The following RP9 variants were observed in gnomAD, a reference collection of about 807,000 sequenced individuals.
RP9 encodes RP9 pre-mRNA splicing factor.
In RP9, 23 loss-of-function variants were observed where a neutral mutation model predicts 32.6. The observed-to-expected ratio is 0.71, with a 90% CI of 0.51 to 1.00. The LOEUF (loss-of-function observed/expected upper bound fraction) is 1.00. Ranked by LOEUF, RP9 falls within the 50% of genes least tolerant of loss-of-function variation. The pLI, the probability that RP9 is intolerant of heterozygous loss-of-function variation, is 0.00. For missense variants in RP9, 245 were observed against 285.3 expected, an observed-to-expected ratio of 0.86 and a Z score of 1.02; for synonymous variants, 94 against 103.6, an observed-to-expected ratio of 0.91 and a Z score of 0.56.
intron 2 of RP9, among the ~76,000 whole-genome samples, chr7:33,099,658 GAA>G (rs1213327612): frequency 1.4e-4 from 21 of 151,968 alleles, no homozygotes; most frequent in African/African-American, 4.6e-4. Context: ...TGTTCTTAGA[GAA>G]AAGTTACTGG....
Position 33,109,400 on chromosome 7 carries a change from AC to A in RP9, c.-29del, listed in dbSNP as rs1165632004. 7 of 1,127,804 alleles carry A rather than the reference AC, an allele frequency of 6.2e-6. No homozygotes were observed. Among genetic ancestry groups the A allele is most frequent in the East Asian group, 5.7e-5 (1 of 17,570 alleles). The allele number at this position is 1,127,804 out of a possible 1,614,324, so 69.9% of individuals were successfully genotyped here. On this transcript the variant is annotated 5_prime_UTR_variant, in exon 1 of 6. Coordinates refer to ENST00000297157, the MANE Select transcript of RP9 (RefSeq NM_203288.2). This position sits in a 1 kb window ranked among gnomAD's most constrained non-coding sequence, Gnocchi z 4.9. ...CAGCCCCCGCAGCGCCGCTCGGGCA[AC>A]CCCCGCGGCGCGGCTCCGGCGGCGG...
chr7:33,096,900 C>T (rs1788344764), intron 4 of RP9, among the ~76,000 whole-genome samples: 1 of 152,124 alleles, frequency 6.6e-6, no homozygotes, highest in African/African-American at 2.4e-5. Context: ...TTTAATCTTA[C>T]AGTTTAAAGA....
chr7:33,095,309 CCTTTT>C lies in RP9; in HGVS notation c.586_590del (p.Lys196GlufsTer19). The C allele has an allele frequency of 6.2e-7, 1 of 1,611,880 alleles. No homozygotes were observed. Among genetic ancestry groups the C allele is most frequent in the African/African-American group, 1.3e-5 (1 of 74,684 alleles). ...TTTTCTTCTTTTTCTTTTCTTTCTT[CCTTTT>C]CTTATGCTTTTCTTTCTTCTTCTTT... On this transcript the variant is annotated frameshift_variant, in exon 6 of 6. Transcript: ENST00000297157. LOFTEE classifies it high-confidence loss of function.
At chr7:33,098,983 T>C (rs1157103717) in intron 3 of RP9, 17 of 421,044 alleles carry the variant, frequency 4.0e-5, no homozygotes, top group Non-Finnish European at 4.0e-5. Context: ...CGGGCTGACA[T>C]AACAAAATGC....
intron 3 of RP9, 117 bp downstream of exon 3, chr7:33,099,190 A>T (rs1788388727): frequency 8.4e-7 from 1 of 1,192,276 alleles, no homozygotes; most frequent in African/African-American, 1.5e-5. Flanking sequence ...GAAGATGGAG[A>T]ACGTGCCTTG....
At chr7:33,097,240 A>C in intron 4 of RP9, 31 bp downstream of exon 4, 1 of 1,465,358 alleles carries the variant, frequency 6.8e-7, no homozygotes, top group Non-Finnish European at 9.6e-7. Flanking sequence ...TCTCTGATAA[A>C]TGTAAATTGA....
At position 33,100,001 on chromosome 7, in the gene RP9, T is replaced by C. The variant is rs760680648; in HGVS notation, c.183+530A>G. On this transcript the variant is annotated intron_variant, in intron 2 of 5. Transcript: ENST00000297157. ...AATAGACTCATGTTTTTAAAGAATA[T>C]TTCTTCGCTGAGAGTTATGAAACAG... 1.4e-3 allele frequency: 234 copies of C among 173,244 alleles called. 2 individuals carry two copies. The highest frequency in any genetic ancestry group is 2.5e-4 in the Non-Finnish European group (20 of 80,132). The allele number at this position is 173,244 out of a possible 1,614,324, so 10.7% of individuals were successfully genotyped here.
At position 33,099,155 on chromosome 7, in the gene RP9, G is replaced by A. The variant is rs1788387790; in HGVS notation, c.313+152C>T. On this transcript the variant is annotated intron_variant, in intron 3 of 5. Transcript: ENST00000297157. ...TTCTTCACATGGCACGGTGGTGGGGGGTGGGGTGGATGCTTCCTTATCTAG... is the reference window on the plus strand; with the variant it reads ...TTCTTCACATGGCACGGTGGTGGGGAGTGGGGTGGATGCTTCCTTATCTAG... The A allele has an allele frequency of 5.9e-6, 5 of 843,490 alleles. No individual in the cohort carries two copies. The East Asian group carries it at 1.3e-4, about 21-fold the overall frequency. The allele number at this position is 843,490 out of a possible 1,614,324, so 52.3% of individuals were successfully genotyped here.
Position 33,099,444 on chromosome 7 carries a change from A to T in RP9, c.184-8T>A. ...TGGCTTAGTCTCATCTTCCTAAAAA[A>T]GGGAACAGGTATAAACAGCATGGCA... is the stretch of plus-strand genomic sequence containing the variant. On this transcript the variant is annotated splice_polypyrimidine_tract_variant and splice_region_variant and intron_variant, in intron 2 of 5. Coordinates refer to ENST00000297157, the MANE Select transcript of RP9 (RefSeq NM_203288.2). The T allele has an allele frequency of 1.2e-6, 2 of 1,613,624 alleles. No individual in the cohort carries two copies. Among genetic ancestry groups the T allele is most frequent in the Non-Finnish European group, 1.7e-6 (2 of 1,179,956 alleles).
chr7:33,109,388 G>C lies in RP9; in HGVS notation c.-16C>G, dbSNP rs1346239407. The C allele has an allele frequency of 3.3e-6, 4 of 1,222,542 alleles. No individual in the cohort carries two copies. The African/African-American group carries it at 4.8e-5, about 15-fold the overall frequency. The allele number at this position is 1,222,542 out of a possible 1,614,324, so 75.7% of individuals were successfully genotyped here. The stretch of plus-strand genomic sequence containing the variant: ...GGGACGACATGTCAGCCCCCGCAGC[G>C]CCGCTCGGGCAACCCCCGCGGCGCG... On this transcript the variant is annotated 5_prime_UTR_variant, in exon 1 of 6. Transcript: ENST00000297157. The surrounding 1 kb of genome is among the most constrained non-coding windows in gnomAD (Gnocchi z 4.9).
Position 33,109,398 on chromosome 7 carries a change from C to A in RP9, c.-26G>T, listed in dbSNP as rs975627917. ...GTCAGCCCCCGCAGCGCCGCTCGGGCAACCCCCGCGGCGCGGCTCCGGCGG... is the reference window on the plus strand; with the variant it reads ...GTCAGCCCCCGCAGCGCCGCTCGGGAAACCCCCGCGGCGCGGCTCCGGCGG... On this transcript the variant is annotated 5_prime_UTR_variant, in exon 1 of 6. Coordinates refer to ENST00000297157, the MANE Select transcript of RP9 (RefSeq NM_203288.2). The surrounding 1 kb of genome is among the most constrained non-coding windows in gnomAD (Gnocchi z 4.9). 8.6e-7 allele frequency: 1 copy of A among 1,157,724 alleles called. No individual in the cohort carries two copies. Among genetic ancestry groups the A allele is most frequent in the South Asian group, 3.1e-5 (1 of 32,612 alleles). The allele number at this position is 1,157,724 out of a possible 1,614,324, so 71.7% of individuals were successfully genotyped here.
chr7:33,107,990 ACCAC>A (rs1449747030), intron 1 of RP9, among the ~76,000 whole-genome samples: 1 of 152,212 alleles, frequency 6.6e-6, no homozygotes, highest in Non-Finnish European at 1.5e-5. Context: ...TCAAAGGCTG[ACCAC>A]CTGTGACGGC....
intron 1 of RP9, among the ~76,000 whole-genome samples, chr7:33,108,479 A>G (rs998492979): frequency 2.0e-5 from 3 of 152,236 alleles, no homozygotes; most frequent in Non-Finnish European, 4.4e-5. Flanking sequence ...TCAACTGCCT[A>G]AAATAAAGTA....
At chr7:33,103,449 AAAC>A (rs1182680854) in intron 1 of RP9, among the ~76,000 whole-genome samples, 1 of 152,176 alleles carries the variant, frequency 6.6e-6, no homozygotes, top group Admixed American at 6.5e-5. Flanking sequence ...TCTGATCAAC[AAAC>A]AACACCTTCT....
At chr7:33,099,499 T>A (rs1015447833) in intron 2 of RP9, 63 bp from the exon 3 acceptor site, 4 of 1,597,380 alleles carry the variant, frequency 2.5e-6, no homozygotes, top group African/African-American at 1.3e-5. Context: ...CTGCTCCCCT[T>A]GGAGCCACCC....
intron 4 of RP9, among the ~76,000 whole-genome samples, chr7:33,096,998 G>A (rs1233251088): frequency 1.3e-5 from 2 of 152,156 alleles, no homozygotes; most frequent in Non-Finnish European, 2.9e-5. Flanking sequence ...AAAAAGTGCG[G>A]TTGAATAGAT....
chr7:33,106,019 GA>G (rs567742644), intron 1 of RP9, among the ~76,000 whole-genome samples: 1 of 152,168 alleles, frequency 6.6e-6, no homozygotes, highest in South Asian at 2.1e-4. Flanking sequence ...GACATTGGGG[GA>G]AAAACAGCAG....
Position 33,096,479 on chromosome 7 carries a change from C to T in RP9, c.467+14G>A, listed in dbSNP as rs1247985022. 1 of 1,589,410 alleles carries T rather than the reference C, an allele frequency of 6.3e-7. No individual in the cohort carries two copies. The stretch of plus-strand genomic sequence containing the variant: ...AACTTTAAGGGGATATTGTTATCAT[C>T]AGGACGACCTCACCTTACGTCCTTT... On this transcript the variant is annotated intron_variant, in intron 5 of 5. Coordinates refer to ENST00000297157, the MANE Select transcript of RP9 (RefSeq NM_203288.2).
Position 33,106,677 on chromosome 7 carries a change from G to A in RP9, c.152+2544C>T, listed in dbSNP as rs561346523. 9.2e-5 allele frequency among the ~76,000 whole-genome samples: 14 copies of A among 152,228 alleles called. No homozygotes were observed. In the South Asian group the frequency reaches 1.9e-3, roughly 20 times the overall value. ...GGAATATACAGTTGGTGGGCGCAGC[G>A]GCTCACGCCTATAATCCCAGCACTT... On this transcript the variant is annotated intron_variant, in intron 1 of 5. Coordinates refer to ENST00000297157, the MANE Select transcript of RP9 (RefSeq NM_203288.2).
Sources: gnomAD v4.1 joint callset for allele counts (sites outside exome capture counted in the v4.1 genomes callset) on GRCh38, gnomAD v4.1.1 for gene constraint, Gnocchi (gnomAD v3.1) non-coding constraint, MANE v1.5 for transcripts, NCBI Gene and HGNC (gene_info 2026-07-23, HGNC 2026-07-21) for gene names.